The following DISC1 variants were observed in gnomAD, a reference collection of about 807,000 sequenced individuals.
DISC1 encodes disrupted in schizophrenia 1 protein.
DISC1 carries 57 observed loss-of-function variants against 84.5 expected under a neutral mutation model. The ratio of observed to expected loss-of-function variants is 0.67; its 90% CI spans 0.55 to 0.84. The LOEUF (loss-of-function observed/expected upper bound fraction) is 0.84. DISC1 is among the 40% of genes least tolerant of loss of function. The pLI, the probability that DISC1 is intolerant of heterozygous loss-of-function variation, is 0.00. For synonymous variants in DISC1, 411 were observed against 415.2 expected, an observed-to-expected ratio of 0.99 and a Z score of 0.12; for missense variants, 1,000 against 1,057.8, an observed-to-expected ratio of 0.95 and a Z score of 0.76.
At chr1:231,827,591 T>G (rs1297427632) in intron 9 of DISC1, among the ~76,000 whole-genome samples, 1 of 152,322 alleles carries the variant, frequency 6.6e-6, no homozygotes, top group African/African-American at 2.4e-5. Context: ...GGAGAGATCA[T>G]CACTTGTTGC....
chr1:231,795,333 T>A, intron 7 of DISC1, 37 bp downstream of exon 7: 1 of 1,584,598 alleles, frequency 6.3e-7, no homozygotes, highest in Non-Finnish European at 8.7e-7. Flanking sequence ...CAAAGAAGCC[T>A]ATGAAGTTTT....
At chr1:231,740,942 T>G (rs1380079078) in intron 3 of DISC1, among the ~76,000 whole-genome samples, 15 of 152,134 alleles carry the variant, frequency 9.9e-5, no homozygotes, top group Admixed American at 9.8e-4. Flanking sequence ...AATTTCAGAT[T>G]TTTGGATTAG....
intron 1 of DISC1, among the ~76,000 whole-genome samples, chr1:231,665,658 A>AT (rs1471023571): frequency 6.6e-6 from 1 of 152,220 alleles, no homozygotes; most frequent in African/African-American, 2.4e-5. Flanking sequence ...ATATGTGTTA[A>AT]TTGACCTTTT....
At chr1:231,894,745 TTG>T (rs3222846) in intron 9 of DISC1, among the ~76,000 whole-genome samples, 54,266 of 144,186 alleles carry the variant, frequency 0.38, 10,510 homozygotes, top group Non-Finnish European at 0.44. Flanking sequence ...GTGTCATCTG[TTG>T]TGTGTGTGTG....
At chr1:231,946,662 A>C (rs1261490277) in intron 9 of DISC1, among the ~76,000 whole-genome samples, 1 of 152,178 alleles carries the variant, frequency 6.6e-6, no homozygotes, top group Non-Finnish European at 1.5e-5. Flanking sequence ...GGAAGAGAGG[A>C]AGTCAAATTG....
At chr1:231,837,406 C>T (rs375881436) in intron 9 of DISC1, among the ~76,000 whole-genome samples, 8 of 152,232 alleles carry the variant, frequency 5.3e-5, no homozygotes, top group African/African-American at 1.7e-4. Context: ...ACGGAACAAG[C>T]CTATTGTTTG....
At position 231,701,975 on chromosome 1, in the gene DISC1, A is replaced by C; in HGVS notation, c.1068A>C (p.Lys356Asn). ...CATAGGTAATATCCTTAAGATTAAA[A>C]CTTCAGAAACTTCAGGAAGATGCAG... ...RQMEVISLRLKLQKLQEDAVE... is the reference protein window; with the variant it reads ...RQMEVISLRLNLQKLQEDAVE... The change falls in exon 3 of 13, where the codon AAA becomes AAC. Residue 356 changes from lysine (K) to asparagine (N), a missense_variant. By Grantham distance (94) the Lys-to-Asn change is moderately conservative (BLOSUM62 0). This residue lies in a region of DISC1 where 311 missense variants were observed against 400.1 expected (regional missense o/e 0.78). Coordinates refer to ENST00000439617, the MANE Select transcript of DISC1 (RefSeq NM_018662.3). 6.2e-7 allele frequency: 1 copy of C among 1,605,982 alleles called. No homozygotes were observed. Among genetic ancestry groups the C allele is most frequent in the Non-Finnish European group, 8.5e-7 (1 of 1,176,114 alleles).
chr1:231,770,595 C>A lies in DISC1; in HGVS notation c.1399-240C>A, dbSNP rs188236044. Reference sequence around the variant, plus strand: ...TCTTCCAAGTCAAATTCTTGGCTCACCCCCCATAGTTATTTAATGCTTGGG... The same window carrying A: ...TCTTCCAAGTCAAATTCTTGGCTCAACCCCCATAGTTATTTAATGCTTGGG... On this transcript the variant is annotated intron_variant, in intron 5 of 12. Transcript: ENST00000439617. Among the ~76,000 whole-genome samples, 285 of 152,222 alleles carry A rather than the reference C, an allele frequency of 1.9e-3. 1 individual carries two copies. Among genetic ancestry groups the A allele is most frequent in the African/African-American group, 6.5e-3 (269 of 41,524 alleles).
At chr1:232,033,905 C>G (rs577017960) in intron 12 of DISC1, among the ~76,000 whole-genome samples, 2 of 152,134 alleles carry the variant, frequency 1.3e-5, no homozygotes, top group Admixed American at 6.5e-5. Context: ...CTCCTGAAGC[C>G]TTTTTCTAGA....
At chr1:231,697,606 A>ATT (rs113034860) in intron 2 of DISC1, among the ~76,000 whole-genome samples, 33 of 127,958 alleles carry the variant, frequency 2.6e-4, no homozygotes, top group East Asian at 1.8e-3. Context: ...TGCCTGGCTA[A>ATT]TTTTTTTTTT....
chr1:231,745,494 T>C, intron 3 of DISC1: 1 of 231,724 alleles, frequency 4.3e-6, no homozygotes, highest in Non-Finnish European at 9.5e-6. Context: ...AGTGCTGGGA[T>C]TACAGGTATG....
intron 10 of DISC1, among the ~76,000 whole-genome samples, chr1:232,007,581 A>G (rs1292573331): frequency 4.6e-5 from 7 of 152,158 alleles, no homozygotes; most frequent in Admixed American, 1.3e-4. Flanking sequence ...TGTACCCCTA[A>G]TGTATCTTGG....
chr1:231,651,425 G>A (rs969269802), intron 1 of DISC1, among the ~76,000 whole-genome samples: 8 of 152,206 alleles, frequency 5.3e-5, no homozygotes, highest in Non-Finnish European at 1.0e-4. Context: ...TTGCAGAACA[G>A]TAAATATTGC....
At chr1:231,921,404 G>A (rs2090000018) in intron 9 of DISC1, among the ~76,000 whole-genome samples, 1 of 152,200 alleles carries the variant, frequency 6.6e-6, no homozygotes, top group African/African-American at 2.4e-5. Flanking sequence ...AGTTTGGGAA[G>A]GGTGATAGAG....
intron 9 of DISC1, among the ~76,000 whole-genome samples, chr1:231,843,516 A>C (rs1278045594): frequency 6.6e-6 from 1 of 152,224 alleles, no homozygotes; most frequent in African/African-American, 2.4e-5. Flanking sequence ...TCCACTCCAC[A>C]CTGGGCACGA....
At chr1:231,902,807 T>G (rs2088294714) in intron 9 of DISC1, among the ~76,000 whole-genome samples, 1 of 152,196 alleles carries the variant, frequency 6.6e-6, no homozygotes, top group African/African-American at 2.4e-5. Flanking sequence ...CTCTGCGATC[T>G]GAAATGCTCC....
At chr1:231,781,543 G>C (rs1442115267) in intron 6 of DISC1, among the ~76,000 whole-genome samples, 1 of 152,186 alleles carries the variant, frequency 6.6e-6, no homozygotes. Context: ...GCAGCTGCAA[G>C]TCAACTCTCA....
chr1:231,717,246 C>A (rs2068876143), intron 3 of DISC1, among the ~76,000 whole-genome samples: 1 of 152,130 alleles, frequency 6.6e-6, no homozygotes, highest in South Asian at 2.1e-4. Flanking sequence ...GAAATAAAAA[C>A]CTTTATGGTA....
intron 10 of DISC1, among the ~76,000 whole-genome samples, chr1:231,997,084 A>G (rs1048536274): frequency 2.0e-5 from 3 of 152,208 alleles, no homozygotes; most frequent in African/African-American, 7.2e-5. Flanking sequence ...TTATGAAATT[A>G]CACTGTAATT....
Sources: gnomAD v4.1 joint callset for allele counts (sites outside exome capture counted in the v4.1 genomes callset) on GRCh38, gnomAD v4.1.1 for gene constraint, gnomAD v4.1.1 regional missense constraint, MANE v1.5 for transcripts, NCBI Gene and HGNC (gene_info 2026-07-23, HGNC 2026-07-21) for gene names.